NELL2: variants seen among roughly 807,000 people sequenced by gnomAD.
NELL2 encodes neural EGFL like 2, also known as protein kinase C-binding protein NELL2.
In NELL2, 41 loss-of-function variants were observed where a neutral mutation model predicts 109.6. The ratio of observed to expected loss-of-function variants is 0.37; its 90% CI spans 0.29 to 0.49. The LOEUF is 0.49. Among genes scored for constraint, NELL2 ranks in the 20% least tolerant of loss-of-function variants. The pLI, the probability that NELL2 is intolerant of heterozygous loss-of-function variation, is 0.98. For synonymous variants in NELL2, 355 were observed against 344.7 expected (o/e 1.03, Z -0.33); for missense variants, 900 against 1,008.3 (o/e 0.89, Z 1.45).
intron 12 of NELL2, among the ~76,000 whole-genome samples, chr12:44,685,764 A>G (rs970753201): frequency 1.3e-5 from 2 of 152,290 alleles, no homozygotes; most frequent in South Asian, 4.1e-4. Flanking sequence ...TCTGGCTTGT[A>G]GAGTTTCTGC....
At chr12:44,576,815 G>A (rs1173039077) in intron 15 of NELL2, among the ~76,000 whole-genome samples, 2 of 151,460 alleles carry the variant, frequency 1.3e-5, no homozygotes, top group Non-Finnish European at 2.9e-5. Flanking sequence ...TTGTTCTTGC[G>A]ATAGTTTACT....
intron 3 of NELL2, among the ~76,000 whole-genome samples, chr12:44,788,987 C>T (rs1389192507): frequency 6.6e-6 from 1 of 152,058 alleles, no homozygotes; most frequent in Non-Finnish European, 1.5e-5. Flanking sequence ...ACCCCCAACC[C>T]CCACAGCAAC....
In NELL2 at chr12:44,632,748, A is replaced by G. The variant is rs368127548; in HGVS notation, c.1445-21778T>C. On this transcript the variant is annotated intron_variant, in intron 13 of 19. Transcript: ENST00000429094. ...GCCTGGAAAAGAAAAACCTTTGTAC[A>G]TTCTTCTTTTATTATCTGTGGAAGA... Among the ~76,000 whole-genome samples, 22 of 152,242 alleles carry G rather than the reference A, an allele frequency of 1.4e-4. No individual in the cohort carries two copies. The East Asian group carries it at 3.3e-3, about 23-fold the overall frequency.
chr12:44,510,071 T>C (rs2138952748), intron 19 of NELL2, among the ~76,000 whole-genome samples: 1 of 152,258 alleles, frequency 6.6e-6, no homozygotes, highest in Admixed American at 6.5e-5. Flanking sequence ...CAATATAGTG[T>C]TGTACAAAGA....
chr12:44,811,804 AT>A (rs1028575252), intron 3 of NELL2, among the ~76,000 whole-genome samples: 2 of 152,230 alleles, frequency 1.3e-5, no homozygotes, highest in African/African-American at 4.8e-5. Flanking sequence ...AATAATATTA[AT>A]GTTCATTTCA....
At chr12:44,831,330 G>A (rs1363584585) in intron 2 of NELL2, among the ~76,000 whole-genome samples, 1 of 152,014 alleles carries the variant, frequency 6.6e-6, no homozygotes, top group African/African-American at 2.4e-5. Context: ...ACCATTCCTA[G>A]ACTAAGTATT....
chr12:44,523,489 AG>A lies in NELL2; in HGVS notation c.1805-6del. The stretch of plus-strand genomic sequence containing the variant: ...CGGTCCCACACTCATCAATATCTAT[AG>A]ACAAGAAAAAGCAGCACTCAATGTG... On this transcript the variant is annotated splice_region_variant and splice_polypyrimidine_tract_variant and intron_variant, in intron 16 of 19. Transcript: ENST00000429094. The A allele has an allele frequency of 6.2e-7, 1 of 1,612,304 alleles. No individual in the cohort carries two copies. Among genetic ancestry groups the A allele is most frequent in the Non-Finnish European group, 8.5e-7 (1 of 1,179,890 alleles).
At position 44,535,509 on chromosome 12, in the gene NELL2, A is replaced by G. The variant is rs148511667; in HGVS notation, c.1664-2788T>C. On this transcript the variant is annotated intron_variant, in intron 15 of 19. Transcript: ENST00000429094. ...TCTGCCCTCAGTTAGTTTATCATCTATTTAAATTGTGCTTTATTTTAATAA... is the reference window on the plus strand; with the variant it reads ...TCTGCCCTCAGTTAGTTTATCATCTGTTTAAATTGTGCTTTATTTTAATAA... Among the ~76,000 whole-genome samples the G allele has an allele frequency of 7.3e-3, 1,118 of 152,136 alleles. 11 individuals carry two copies. The highest frequency in any genetic ancestry group is 0.025 in the African/African-American group (1,052 of 41,580).
intron 2 of NELL2, among the ~76,000 whole-genome samples, chr12:44,860,390 G>T (rs879595452): frequency 7.2e-5 from 11 of 152,188 alleles, no homozygotes; most frequent in Non-Finnish European, 1.5e-4. Flanking sequence ...TACAAACTCA[G>T]TGGCTAAATT....
chr12:44,631,721 A>G (rs1328561902), intron 13 of NELL2, among the ~76,000 whole-genome samples: 1 of 152,160 alleles, frequency 6.6e-6, no homozygotes, highest in Non-Finnish European at 1.5e-5. Flanking sequence ...TCTATGAAGT[A>G]TATAATGATG....
chr12:44,614,250 A>G (rs1463003139), intron 13 of NELL2, among the ~76,000 whole-genome samples: 1 of 152,028 alleles, frequency 6.6e-6, no homozygotes, highest in African/African-American at 2.4e-5. Context: ...CAAAAATATC[A>G]GCACATGGTT....
intron 11 of NELL2, among the ~76,000 whole-genome samples, chr12:44,708,334 C>T (rs1373628290): frequency 6.6e-6 from 1 of 152,184 alleles, no homozygotes; most frequent in Non-Finnish European, 1.5e-5. Context: ...TGGAGCCTGA[C>T]TTCGGTGTGT....
intron 13 of NELL2, among the ~76,000 whole-genome samples, chr12:44,658,877 C>CAAAA (rs58696965): frequency 1.9e-4 from 13 of 69,842 alleles, no homozygotes; most frequent in South Asian, 5.8e-4. Flanking sequence ...ACTCTGTCTC[C>CAAAA]AAAAAAAAAA....
intron 12 of NELL2, among the ~76,000 whole-genome samples, chr12:44,696,526 C>T (rs1248829729): frequency 6.6e-6 from 1 of 152,142 alleles, no homozygotes; most frequent in African/African-American, 2.4e-5. Context: ...AGTGCACATA[C>T]AATTTAATAA....
At chr12:44,603,160 C>A (rs925585382) in intron 15 of NELL2, among the ~76,000 whole-genome samples, 2 of 152,006 alleles carry the variant, frequency 1.3e-5, no homozygotes, top group Non-Finnish European at 2.9e-5. Flanking sequence ...TAATTAAAAT[C>A]TCATCTTATG....
chr12:44,791,086 T>TGC, intron 3 of NELL2, among the ~76,000 whole-genome samples: 1 of 53,824 alleles, frequency 1.9e-5, no homozygotes, highest in East Asian at 7.7e-4. Flanking sequence ...TATATACATA[T>TGC]ATATATATAT....
intron 15 of NELL2, among the ~76,000 whole-genome samples, chr12:44,593,169 G>A (rs1204731783): frequency 6.6e-6 from 1 of 152,180 alleles, no homozygotes; most frequent in African/African-American, 2.4e-5. Context: ...ATAGCCCCTT[G>A]GGAGTGGGAG....
intron 3 of NELL2, among the ~76,000 whole-genome samples, chr12:44,814,796 C>G (rs2136682031): frequency 6.6e-6 from 1 of 152,310 alleles, no homozygotes; most frequent in Admixed American, 6.5e-5. Flanking sequence ...TTGTTCTCCA[C>G]ATAGATTTTC....
chr12:44,623,477 T>C (rs916972389), intron 13 of NELL2, among the ~76,000 whole-genome samples: 2 of 152,166 alleles, frequency 1.3e-5, no homozygotes, highest in East Asian at 1.9e-4. Context: ...CCTCTTCTTT[T>C]ATATCATATT....
Sources: gnomAD v4.1 joint callset for allele counts (sites outside exome capture counted in the v4.1 genomes callset) on GRCh38, gnomAD v4.1.1 for gene constraint, MANE v1.5 for transcripts, NCBI Gene and HGNC (gene_info 2026-07-23, HGNC 2026-07-21) for gene names.